The following KIF13B variants were observed in gnomAD, a reference collection of about 807,000 sequenced individuals.
The protein encoded by KIF13B is kinesin family member 13B.
A neutral mutation model predicts 222.0 loss-of-function variants in KIF13B; 127 were observed. The observed-to-expected ratio is 0.57, with a 90% confidence interval of 0.50 to 0.66. The LOEUF is 0.66. Among genes scored for constraint, KIF13B ranks in the 30% least tolerant of loss-of-function variants. The pLI, the probability that KIF13B is intolerant of heterozygous loss-of-function variation, is 0.00. For synonymous variants in KIF13B, 976 were observed against 919.0 expected (o/e 1.06, Z -1.12); for missense variants, 2,173 against 2,379.0 (o/e 0.91, Z 1.80).
chr8:29,130,789 C>G (rs943696536), intron 23 of KIF13B, 124 bp from the exon 24 acceptor site: 1 of 849,230 alleles, frequency 1.2e-6, no homozygotes, highest in Non-Finnish European at 1.9e-6. Context: ...TCAGAATGAT[C>G]TGTAGTTCAG....
At chr8:29,222,065 T>A (rs1213692116) in intron 2 of KIF13B, among the ~76,000 whole-genome samples, 1 of 152,130 alleles carries the variant, frequency 6.6e-6, no homozygotes, top group Non-Finnish European at 1.5e-5. Context: ...TACCTATATA[T>A]GCCAGGCACA....
chr8:29,256,750 TTTTG>T (rs111411821), intron 1 of KIF13B, among the ~76,000 whole-genome samples: 30,610 of 151,688 alleles, frequency 0.2, 3,879 homozygotes, highest in East Asian at 0.58. Flanking sequence ...TTACTACTTT[TTTTG>T]TTTGTTTGTT....
intron 5 of KIF13B, among the ~76,000 whole-genome samples, chr8:29,187,265 C>T (rs930653582): frequency 1.6e-4 from 25 of 152,298 alleles, no homozygotes; most frequent in African/African-American, 5.5e-4. Flanking sequence ...CGGTGGCTCA[C>T]GCCTGTAATC....
chr8:29,135,955 A>C (rs1810535445), intron 21 of KIF13B, among the ~76,000 whole-genome samples: 1 of 63,952 alleles, frequency 1.6e-5, no homozygotes, highest in Non-Finnish European at 3.7e-5. Flanking sequence ...ACAAAATTAC[A>C]CAAACCAGAT....
At chr8:29,187,458 G>C (rs1812987903) in intron 5 of KIF13B, among the ~76,000 whole-genome samples, 1 of 152,160 alleles carries the variant, frequency 6.6e-6, no homozygotes, top group Non-Finnish European at 1.5e-5. Context: ...TTGAACCTGG[G>C]AGGCAGAGGC....
At chr8:29,087,396 A>G (rs748013508) in intron 37 of KIF13B, among the ~76,000 whole-genome samples, 2 of 152,224 alleles carry the variant, frequency 1.3e-5, no homozygotes, top group Non-Finnish European at 2.9e-5. Flanking sequence ...TATTTAAAAA[A>G]TTACTCAGAA....
At position 29,109,458 on chromosome 8, in the gene KIF13B, ACTC is replaced by A. The variant is rs1429924453; in HGVS notation, c.4134_4136del (p.Arg1378del). 10 of 1,613,702 alleles carry A rather than the reference ACTC, an allele frequency of 6.2e-6. No homozygotes were observed. In the Middle Eastern group the frequency reaches 5.0e-4, roughly 80 times the overall value. On this transcript the variant is annotated inframe_deletion, in exon 34 of 40. Transcript: ENST00000524189. ...CTCTGTTCACATTTGGAGAACTGAT[ACTC>A]CTCCTGCTCAACTTTCCTTTTCCTG...
rs143674632 is a variant in KIF13B, at chr8:29,186,398, A to G, written c.391T>C (p.Phe131Leu). The G allele has an allele frequency of 1.2e-6, 2 of 1,613,932 alleles. No individual in the cohort carries two copies. Among genetic ancestry groups the G allele is most frequent in the Admixed American group, 1.7e-5 (1 of 60,030 alleles). The change falls in exon 6 of 40, where the codon TTT becomes CTT. Residue 131 changes from phenylalanine to leucine, a missense_variant. This residue lies in a region of KIF13B where 1,480 missense variants were observed against 1,722.8 expected (regional missense o/e 0.86). Transcript: ENST00000524189. ...TTTTCCTCTTTCTGAGTTCGTTCAA[A>G]GAGTCCACTGCAAAGTCTTGGGATT... ...GLIPRLCSGL[F>L]ERTQKEENEE...
chr8:29,241,399 T>A (rs756087681), intron 2 of KIF13B, among the ~76,000 whole-genome samples: 41 of 152,218 alleles, frequency 2.7e-4, no homozygotes, highest in Non-Finnish European at 5.6e-4. Context: ...TACTATTATA[T>A]CTCAATAAAT....
At chr8:29,203,232 A>G (rs1283611854) in intron 2 of KIF13B, among the ~76,000 whole-genome samples, 5 of 152,130 alleles carry the variant, frequency 3.3e-5, no homozygotes, top group Admixed American at 3.3e-4. Context: ...TCTATCTCCA[A>G]CTACATCTTT....
intron 26 of KIF13B, 69 bp from the exon 27 acceptor site, chr8:29,124,192 T>C (rs1810004893): frequency 2.2e-6 from 2 of 926,632 alleles, no homozygotes; most frequent in Non-Finnish European, 3.4e-6. Flanking sequence ...TGATGCTCTA[T>C]CTTACCTTGC....
At position 29,070,771 on chromosome 8, in the gene KIF13B, G is replaced by C. The variant is rs1356858586; in HGVS notation, c.5219-5C>G. On this transcript the variant is annotated splice_polypyrimidine_tract_variant and splice_region_variant and intron_variant, in intron 39 of 39. Coordinates refer to ENST00000524189, the MANE Select transcript of KIF13B (RefSeq NM_015254.4). This position sits in a 1 kb window ranked among gnomAD's most constrained non-coding sequence, Gnocchi z 4.1. ...CGATGGAACCGTCATTCTTACCTGC[G>C]GGGGAAGGAGAGGGTGATATGGAGG... 1 of 1,586,216 alleles carries C rather than the reference G, an allele frequency of 6.3e-7. No homozygotes were observed. Among genetic ancestry groups the C allele is most frequent in the Non-Finnish European group, 8.6e-7 (1 of 1,166,962 alleles).
At chr8:29,100,670 G>A (rs952495237) in intron 35 of KIF13B, among the ~76,000 whole-genome samples, 1 of 152,052 alleles carries the variant, frequency 6.6e-6, no homozygotes, top group Non-Finnish European at 1.5e-5. Context: ...GACTGGTCTC[G>A]AACTCCTGAC....
At chr8:29,220,879 G>A (rs1381338683) in intron 2 of KIF13B, among the ~76,000 whole-genome samples, 3 of 152,254 alleles carry the variant, frequency 2.0e-5, no homozygotes, top group East Asian at 3.9e-4. Context: ...GGGAGGCCAA[G>A]ACAAGTGGAT....
At chr8:29,108,307 G>C in intron 34 of KIF13B, 115 bp from the exon 35 acceptor site, 1 of 895,342 alleles carries the variant, frequency 1.1e-6, no homozygotes, top group Non-Finnish European at 1.8e-6. Flanking sequence ...GGTGGCAGCA[G>C]AGAGGTTGTC....
intron 3 of KIF13B, among the ~76,000 whole-genome samples, chr8:29,191,603 T>TCTAGA (rs1813191641): frequency 6.6e-6 from 1 of 152,242 alleles, no homozygotes; most frequent in Non-Finnish European, 1.5e-5. Context: ...TGATTCCATA[T>TCTAGA]TTGTACCAAA....
intron 22 of KIF13B, 122 bp downstream of exon 22, chr8:29,133,918 A>G (rs978563435): frequency 4.3e-6 from 4 of 927,806 alleles, no homozygotes; most frequent in Non-Finnish European, 6.4e-6. Context: ...CAATCCCCAC[A>G]CTCTACAGAA....
At chr8:29,180,266 G>A (rs764144857) in intron 7 of KIF13B, 28 bp from the exon 8 acceptor site, 10 of 1,612,016 alleles carry the variant, frequency 6.2e-6, no homozygotes, top group Middle Eastern at 1.6e-4. Context: ...ATAGACCCAC[G>A]TTTCATTACT....
intron 34 of KIF13B, 98 bp from the exon 35 acceptor site, chr8:29,108,290 A>G (rs1809189641): frequency 8.9e-7 from 1 of 1,127,096 alleles, no homozygotes; most frequent in Non-Finnish European, 1.3e-6. Context: ...ACCGAACGTC[A>G]AAGTTGGGTG....
Sources: allele counts gnomAD v4.1 joint callset (sites outside exome capture counted in the v4.1 genomes callset), GRCh38; gene constraint gnomAD v4.1.1; regional missense constraint gnomAD v4.1.1; non-coding constraint Gnocchi (gnomAD v3.1); transcripts MANE v1.5; gene names NCBI Gene and HGNC (gene_info 2026-07-23, HGNC 2026-07-21).